SDK1: variants seen among roughly 807,000 people sequenced by gnomAD.
SDK1 encodes the protein sidekick cell adhesion molecule 1, also known as protein sidekick-1.
SDK1 carries 157 observed loss-of-function variants against 245.5 expected under a neutral mutation model. The observed-to-expected ratio is 0.64, with a 90% CI of 0.56 to 0.73. The LOEUF is 0.73. Ranked by LOEUF, SDK1 falls within the 30% of genes least tolerant of loss-of-function variation. SDK1 has a pLI of 0.00. For synonymous variants in SDK1, 1,647 were observed against 1,278.5 expected (o/e 1.29, Z -6.15); for missense variants, 3,583 against 3,002.3 (o/e 1.19, Z -4.52).
chr7:3,466,763 T>TC (rs934796555), intron 1 of SDK1, among the ~76,000 whole-genome samples: 1 of 151,640 alleles, frequency 6.6e-6, no homozygotes, highest in African/African-American at 2.4e-5. Flanking sequence ...GCAAAGTATC[T>TC]CCCCCCACCC....
intron 44 of SDK1, among the ~76,000 whole-genome samples, chr7:4,262,018 C>CTTTTTTTTTTTTTTTT (rs34610558): frequency 5.1e-5 from 3 of 59,252 alleles, no homozygotes; most frequent in African/African-American, 1.9e-4. Context: ...CTGCTTTCTC[C>CTTTTTTTTTTTTTTTT]TTTTTTTTTT....
At chr7:3,327,207 A>G (rs554971926) in intron 1 of SDK1, among the ~76,000 whole-genome samples, 35 of 152,288 alleles carry the variant, frequency 2.3e-4, no homozygotes, top group African/African-American at 7.9e-4. Flanking sequence ...GAATAGTGTC[A>G]CACAGGGAAT....
chr7:3,714,611 C>T (rs540511703), intron 4 of SDK1, among the ~76,000 whole-genome samples: 176 of 152,286 alleles, frequency 1.2e-3, no homozygotes, highest in African/African-American at 4.0e-3. Context: ...TGAAAATGGT[C>T]CTGAGGCCTT....
chr7:3,451,349 T>G (rs1042994474), intron 1 of SDK1, among the ~76,000 whole-genome samples: 1 of 152,018 alleles, frequency 6.6e-6, no homozygotes, highest in Non-Finnish European at 1.5e-5. Flanking sequence ...CAGGCAAGTT[T>G]GAGGTAGGGC....
intron 1 of SDK1, among the ~76,000 whole-genome samples, chr7:3,400,462 G>T (rs1489430597): frequency 6.6e-6 from 1 of 152,092 alleles, no homozygotes; most frequent in Non-Finnish European, 1.5e-5. Flanking sequence ...GAAAAAGTAA[G>T]TCCCTGAAGG....
intron 4 of SDK1, among the ~76,000 whole-genome samples, chr7:3,763,483 T>G (rs767504474): frequency 7.9e-5 from 12 of 152,162 alleles, no homozygotes; most frequent in Non-Finnish European, 1.6e-4. Context: ...CCTCCATTCT[T>G]CCACCAGTCC....
intron 26 of SDK1, among the ~76,000 whole-genome samples, chr7:4,127,768 G>C (rs57692103): frequency 0.2 from 30,262 of 152,242 alleles, 3,357 homozygotes; most frequent in Middle Eastern, 0.27. Flanking sequence ...GCCTGCGCCT[G>C]ACTCTGCCCT....
rs541984780 is a variant in SDK1 at position 3,803,086 on chromosome 7, G to A, written c.714-18364G>A. Among the ~76,000 whole-genome samples, 7 of 152,198 alleles carry A rather than the reference G, an allele frequency of 4.6e-5. No individual in the cohort carries two copies. The South Asian group carries it at 1.5e-3, about 32-fold the overall frequency. On this transcript the variant is annotated intron_variant, in intron 4 of 44. Transcript: ENST00000404826. ...GGCTATACTATTTTTCATTCTCTCAGCAACATATGAGAGCTCCAGTTTCTC... is the reference window on the plus strand; with the variant it reads ...GGCTATACTATTTTTCATTCTCTCAACAACATATGAGAGCTCCAGTTTCTC...
chr7:3,308,349 G>A (rs1165854627), intron 1 of SDK1, among the ~76,000 whole-genome samples: 1 of 152,122 alleles, frequency 6.6e-6, no homozygotes, highest in African/African-American at 2.4e-5. Flanking sequence ...AAAGAGATTA[G>A]TAGATGTCTG....
chr7:4,085,967 T>C (rs947857823), intron 22 of SDK1, among the ~76,000 whole-genome samples: 1 of 152,254 alleles, frequency 6.6e-6, no homozygotes, highest in Admixed American at 6.5e-5. Flanking sequence ...CACAGAAGTT[T>C]CTGTTCATTT....
intron 4 of SDK1, among the ~76,000 whole-genome samples, chr7:3,754,312 G>T (rs1194786893): frequency 6.6e-6 from 1 of 152,166 alleles, no homozygotes; most frequent in Non-Finnish European, 1.5e-5. Context: ...GCTTGGTATT[G>T]TTTTGTCAAG....
intron 35 of SDK1, among the ~76,000 whole-genome samples, chr7:4,188,971 G>T (rs1228102786): frequency 2.0e-5 from 3 of 151,842 alleles, no homozygotes; most frequent in Non-Finnish European, 4.4e-5. Flanking sequence ...TTTTTTTCAT[G>T]TTTAGGAGGG....
rs1156364111 is a variant in SDK1, at chr7:4,176,165, CT to C, written c.4996+345del. Among the ~76,000 whole-genome samples, 703 of 138,326 alleles carry C rather than the reference CT, an allele frequency of 5.1e-3. 6 individuals are homozygous for C. In the East Asian group the frequency reaches 0.054, roughly 11 times the overall value. 90.7% of individuals were successfully genotyped at this position (138,326 alleles called of 152,430 possible). ...ACTCTTTTTTCTTTTCTTTTCTTTA[CT>C]TTTTTTTTTTTTTAGAGACAGAGTC... is the stretch of plus-strand genomic sequence containing the variant. On this transcript the variant is annotated intron_variant, in intron 34 of 44. Coordinates refer to ENST00000404826, the MANE Select transcript of SDK1 (RefSeq NM_152744.4).
intron 14 of SDK1, among the ~76,000 whole-genome samples, chr7:3,991,624 T>C (rs1562632569): frequency 6.6e-6 from 1 of 152,182 alleles, no homozygotes; most frequent in Non-Finnish European, 1.5e-5. Context: ...TCACCCATAT[T>C]AGCCTCTGGC....
In SDK1 at chr7:4,017,265, A is replaced by G. The variant is rs1786483618; in HGVS notation, c.2515A>G (p.Thr839Ala). ...CCTGGTGACAGACCTGATCATCTGG[A>G]CACAGTATGAGATACAGGTGGCGGC... ...YCLVTDLIIW[T>A]QYEIQVAAYN... The change falls in exon 17 of 45, where the codon ACA becomes GCA. Residue 839 changes from threonine to alanine, a missense_variant. Physicochemically the swap from Thr to Ala is moderately conservative, Grantham distance 58 (BLOSUM62 0). Coordinates refer to ENST00000404826, the MANE Select transcript of SDK1 (RefSeq NM_152744.4). 6.2e-7 allele frequency: 1 copy of G among 1,614,132 alleles called. No homozygotes were observed. The highest frequency in any genetic ancestry group is 8.5e-7 in the Non-Finnish European group (1 of 1,179,988).
rs374086663 is a variant in SDK1, at chr7:3,676,474, T to C, written c.713+34369T>C. Among the ~76,000 whole-genome samples, 881 of 152,106 alleles carry C rather than the reference T, an allele frequency of 5.8e-3. 1 individual carries two copies. Among genetic ancestry groups the C allele is most frequent in the Non-Finnish European group, 8.7e-3 (589 of 67,972 alleles). ...CCAAGTAGCTGGGACTACAGGCGCC[T>C]GCCACCACGCCCAGCTAATTTTTTA... On this transcript the variant is annotated intron_variant, in intron 4 of 44. Coordinates refer to ENST00000404826, the MANE Select transcript of SDK1 (RefSeq NM_152744.4).
intron 44 of SDK1, among the ~76,000 whole-genome samples, chr7:4,249,562 A>T (rs536808520): frequency 6.6e-6 from 1 of 152,078 alleles, no homozygotes; most frequent in Non-Finnish European, 1.5e-5. Context: ...GGCCCAAGGC[A>T]CCCCGGAAGT....
At chr7:4,209,008 G>C (rs1456811239) in intron 37 of SDK1, among the ~76,000 whole-genome samples, 1 of 152,204 alleles carries the variant, frequency 6.6e-6, no homozygotes, top group Non-Finnish European at 1.5e-5. Flanking sequence ...GGGAACCGTG[G>C]GCAGAGACGC....
intron 5 of SDK1, among the ~76,000 whole-genome samples, chr7:3,894,360 A>G (rs898555799): frequency 2.1e-4 from 32 of 151,858 alleles, no homozygotes; most frequent in African/African-American, 7.5e-4. Flanking sequence ...TCTGGCGACT[A>G]CAATGTTTGA....
Sources: gnomAD v4.1 joint callset for allele counts (sites outside exome capture counted in the v4.1 genomes callset) on GRCh38, gnomAD v4.1.1 for gene constraint, MANE v1.5 for transcripts, NCBI Gene and HGNC (gene_info 2026-07-23, HGNC 2026-07-21) for gene names.